The following IQGAP2 variants were observed in gnomAD, a reference collection of about 807,000 sequenced individuals.
IQGAP2 encodes IQ motif containing GTPase activating protein 2.
In IQGAP2, 173 loss-of-function variants were observed where a neutral mutation model predicts 201.3. That is an observed-to-expected ratio of 0.86 (90% CI 0.76 to 0.98). The LOEUF (loss-of-function observed/expected upper bound fraction) is 0.98, where lower values mean the gene tolerates loss of function less well. IQGAP2 is among the 50% of genes least tolerant of loss of function. The probability of loss-of-function intolerance (pLI) is 0.00; values close to 1 mark genes in which losing one functional copy is unlikely to be tolerated. For missense variants in IQGAP2, 1,687 were observed against 1,864.8 expected, an observed-to-expected ratio of 0.90 and a Z score of 1.76; for synonymous variants, 675 against 673.9, an observed-to-expected ratio of 1.00 and a Z score of -0.03.
At chr5:76,676,308 A>G (rs1744819615) in intron 27 of IQGAP2, among the ~76,000 whole-genome samples, 2 of 152,220 alleles carry the variant, frequency 1.3e-5, no homozygotes, top group African/African-American at 4.8e-5. Flanking sequence ...ACAAAAAATT[A>G]TAACCAAAGC....
intron 2 of IQGAP2, among the ~76,000 whole-genome samples, chr5:76,542,291 A>G (rs375310196): frequency 1.1e-4 from 16 of 152,352 alleles, no homozygotes; most frequent in African/African-American, 3.6e-4. Flanking sequence ...GAGCATTTAA[A>G]AAAACAGAAG....
At chr5:76,576,930 C>G (rs1480598120) in intron 5 of IQGAP2, among the ~76,000 whole-genome samples, 1 of 152,164 alleles carries the variant, frequency 6.6e-6, no homozygotes, top group African/African-American at 2.4e-5. Flanking sequence ...TTTCTAAAAG[C>G]TCCTTGTGCA....
Position 76,555,394 on chromosome 5 carries a change from A to G in IQGAP2, c.147-7002A>G, listed in dbSNP as rs574155086. On this transcript the variant is annotated intron_variant, in intron 2 of 35. Coordinates refer to ENST00000274364, the MANE Select transcript of IQGAP2 (RefSeq NM_006633.5). The stretch of plus-strand genomic sequence containing the variant: ...TATAATTTCAGATTTATGGACTAAC[A>G]CTGAATACTCAGAGTATTAAGCGAC... Among the ~76,000 whole-genome samples, 11 of 152,346 alleles carry G rather than the reference A, an allele frequency of 7.2e-5. No homozygotes were observed. In the South Asian group the frequency reaches 2.3e-3, roughly 32 times the overall value.
chr5:76,701,245 G>GTTC, intron 34 of IQGAP2, 32 bp downstream of exon 34: 2 of 1,604,322 alleles, frequency 1.2e-6, no homozygotes, highest in Non-Finnish European at 1.7e-6. Flanking sequence ...CATAGAACAC[G>GTTC]CATGCCATTT....
rs368336512 is a variant in IQGAP2, at chr5:76,501,483, C to T, written c.146+39814C>T. Among the ~76,000 whole-genome samples the T allele has an allele frequency of 5.9e-5, 9 of 152,036 alleles. No homozygotes were observed. In the East Asian group the frequency reaches 1.4e-3, roughly 23 times the overall value. ...TTGAGAATCGGAACAGTATTGCATG[C>T]TCTGCTTTTATTTGAAGAGTCTATA... On this transcript the variant is annotated intron_variant, in intron 2 of 35. Coordinates refer to ENST00000274364, the MANE Select transcript of IQGAP2 (RefSeq NM_006633.5).
intron 1 of IQGAP2, among the ~76,000 whole-genome samples, chr5:76,411,966 G>T (rs1339206418): frequency 6.6e-6 from 1 of 152,162 alleles, no homozygotes; most frequent in Non-Finnish European, 1.5e-5. Context: ...TAATCCCTGG[G>T]GGTGGCACAT....
At position 76,668,739 on chromosome 5, in the gene IQGAP2, A is replaced by C. The variant is rs1744022709; in HGVS notation, c.2738A>C (p.Lys913Thr). ...CAGATGCCACAGAACAAGTCCACTA[A>C]ATTTATGGATACTGTTATTTTCACA... ...IFQMPQNKSTKFMDTVIFTLY... is the reference protein window; with the variant it reads ...IFQMPQNKSTTFMDTVIFTLY... The change falls in exon 23 of 36, where the codon AAA becomes ACA. Residue 913 changes from lysine to threonine, a missense_variant. By Grantham distance (78) the Lys-to-Thr change is moderately conservative. Coordinates refer to ENST00000274364, the MANE Select transcript of IQGAP2 (RefSeq NM_006633.5). 6.2e-7 allele frequency: 1 copy of C among 1,611,924 alleles called. No individual in the cohort carries two copies. The highest frequency in any genetic ancestry group is 1.3e-5 in the African/African-American group (1 of 74,844).
At chr5:76,482,866 G>A (rs1488678098) in intron 2 of IQGAP2, among the ~76,000 whole-genome samples, 1 of 152,100 alleles carries the variant, frequency 6.6e-6, no homozygotes, top group South Asian at 2.1e-4. Context: ...TCCTGGTTCT[G>A]TTAGTGCCTG....
chr5:76,426,369 C>A lies in IQGAP2; in HGVS notation c.46+22778C>A, dbSNP rs143338576. The stretch of plus-strand genomic sequence containing the variant: ...CAAGCCAGGACTTATGGTCACCCTG[C>A]CCATAAGGATGGGTCTGTGCAATGA... On this transcript the variant is annotated intron_variant, in intron 1 of 35. Coordinates refer to ENST00000274364, the MANE Select transcript of IQGAP2 (RefSeq NM_006633.5). Among the ~76,000 whole-genome samples the A allele has an allele frequency of 2.8e-3, 431 of 152,304 alleles. 3 individuals are homozygous for A. Among genetic ancestry groups the A allele is most frequent in the African/African-American group, 1.0e-2 (415 of 41,558 alleles).
At chr5:76,424,307 T>C (rs1366032518) in intron 1 of IQGAP2, among the ~76,000 whole-genome samples, 11 of 152,140 alleles carry the variant, frequency 7.2e-5, no homozygotes, top group Non-Finnish European at 1.5e-4. Context: ...CTTTTTTATT[T>C]TTATTTTATT....
intron 2 of IQGAP2, among the ~76,000 whole-genome samples, chr5:76,519,720 A>G (rs757172427): frequency 2.6e-5 from 4 of 152,178 alleles, no homozygotes; most frequent in Non-Finnish European, 5.9e-5. Flanking sequence ...TGTTTTAGCC[A>G]TTCTAACAGA....
chr5:76,418,729 A>T (rs1751554073), intron 1 of IQGAP2, among the ~76,000 whole-genome samples: 1 of 152,198 alleles, frequency 6.6e-6, no homozygotes, highest in Non-Finnish European at 1.5e-5. Flanking sequence ...ACACTGGAGG[A>T]TAAAGCTTGG....
chr5:76,571,299 G>C lies in IQGAP2; in HGVS notation c.381+642G>C, dbSNP rs140490329. Among the ~76,000 whole-genome samples, 68 of 152,210 alleles carry C rather than the reference G, an allele frequency of 4.5e-4. 2 individuals are homozygous for C. In the East Asian group the frequency reaches 0.01, roughly 22 times the overall value. On this transcript the variant is annotated intron_variant, in intron 4 of 35. Coordinates refer to ENST00000274364, the MANE Select transcript of IQGAP2 (RefSeq NM_006633.5). ...TGATTCTCCTATCTCTGCCTCCCAA[G>C]TAGCTGGGAACACAGGCAAGTAGCT... is the stretch of plus-strand genomic sequence containing the variant.
intron 27 of IQGAP2, among the ~76,000 whole-genome samples, chr5:76,676,312 C>T (rs187471456): frequency 3.3e-5 from 5 of 152,262 alleles, no homozygotes; most frequent in African/African-American, 1.2e-4. Flanking sequence ...AAAATTATAA[C>T]CAAAGCAGCA....
At chr5:76,426,935 T>TGTGTGTGTGTGA (rs894766853) in intron 1 of IQGAP2, among the ~76,000 whole-genome samples, 22 of 151,392 alleles carry the variant, frequency 1.5e-4, no homozygotes, top group Non-Finnish European at 2.7e-4. Context: ...TGTGTGTGTG[T>TGTGTGTGTGTGA]GAGTGTGTGC....
chr5:76,561,524 G>C (rs1332988712), intron 2 of IQGAP2, among the ~76,000 whole-genome samples: 1 of 152,172 alleles, frequency 6.6e-6, no homozygotes, highest in East Asian at 1.9e-4. Flanking sequence ...ATCAGTAGCT[G>C]GGTGGCAGGG....
intron 13 of IQGAP2, among the ~76,000 whole-genome samples, chr5:76,626,756 A>G (rs2455219): frequency 0.64 from 96,809 of 151,752 alleles, 31,079 homozygotes; most frequent in Middle Eastern, 0.68. Flanking sequence ...GGGAACCACA[A>G]TAATTGATTG....
chr5:76,533,924 T>C (rs1759475528), intron 2 of IQGAP2, among the ~76,000 whole-genome samples: 1 of 152,230 alleles, frequency 6.6e-6, no homozygotes, highest in Admixed American at 6.5e-5. Context: ...ACATAGCAAA[T>C]ATTTTCTCCC....
chr5:76,680,271 G>A lies in IQGAP2; in HGVS notation c.3661-2844G>A, dbSNP rs1306040879. Among the ~76,000 whole-genome samples, 24 of 152,144 alleles carry A rather than the reference G, an allele frequency of 1.6e-4. 1 individual carries two copies. Among genetic ancestry groups the A allele is most frequent in the Admixed American group, 1.6e-3 (24 of 15,264 alleles). ...GTCTCCAAATGGTACTGGGACAACT[G>A]GAAATTCCCATGCCAAAGAATGTAG... On this transcript the variant is annotated intron_variant, in intron 28 of 35. Transcript: ENST00000274364.
Sources: allele counts gnomAD v4.1 joint callset (sites outside exome capture counted in the v4.1 genomes callset), GRCh38; gene constraint gnomAD v4.1.1; transcripts MANE v1.5; gene names NCBI Gene and HGNC (gene_info 2026-07-23, HGNC 2026-07-21).